The following STX12 variants were observed in gnomAD, a reference collection of about 807,000 sequenced individuals.
The protein encoded by STX12 is syntaxin-12.
A neutral mutation model predicts 42.2 loss-of-function variants in STX12; 17 were observed. That is an observed-to-expected ratio of 0.40 (90% CI 0.28 to 0.60). The LOEUF is 0.60. STX12 is among the 20% of genes least tolerant of loss of function. The probability of loss-of-function intolerance (pLI) is 0.39; values close to 1 mark genes in which losing one functional copy is unlikely to be tolerated. For missense variants in STX12, 297 were observed against 330.9 expected (o/e 0.90, Z 0.79); for synonymous variants, 108 against 116.7 (o/e 0.93, Z 0.48).
chr1:27,788,087 T>C (rs372397642), intron 1 of STX12, among the ~76,000 whole-genome samples: 2 of 152,320 alleles, frequency 1.3e-5, no homozygotes, highest in African/African-American at 2.4e-5. Flanking sequence ...CTTATACTTA[T>C]TGTGTTATGT....
intron 3 of STX12, among the ~76,000 whole-genome samples, chr1:27,798,243 G>C (rs1473593241): frequency 6.6e-6 from 1 of 152,026 alleles, no homozygotes; most frequent in African/African-American, 2.4e-5. Flanking sequence ...AGCGATTAAA[G>C]ATCATGGCCG....
At chr1:27,795,702 T>C (rs1380476771) in intron 3 of STX12, among the ~76,000 whole-genome samples, 1 of 152,236 alleles carries the variant, frequency 6.6e-6, no homozygotes, top group East Asian at 1.9e-4. Flanking sequence ...ATCTGGAGTT[T>C]TGGCCCCCAC....
chr1:27,777,139 CAAGT>C (rs1468964459), intron 1 of STX12, among the ~76,000 whole-genome samples: 2 of 151,716 alleles, frequency 1.3e-5, no homozygotes, highest in Non-Finnish European at 2.9e-5. Context: ...TAAATAATGT[CAAGT>C]AATAATAAAT....
rs2088893757 is a variant in STX12, at chr1:27,810,233, A to G, written c.427-13A>G. 1.2e-6 allele frequency: 2 copies of G among 1,613,362 alleles called. No individual in the cohort carries two copies. The highest frequency in any genetic ancestry group is 1.7e-6 in the Non-Finnish European group (2 of 1,179,582). Reference sequence around the variant, plus strand: ...TCTGGATGACAGCAGCAATAATACCATCTACTTTCTAGGCAGAAGAGAGGC... The same window carrying G: ...TCTGGATGACAGCAGCAATAATACCGTCTACTTTCTAGGCAGAAGAGAGGC... On this transcript the variant is annotated splice_polypyrimidine_tract_variant and intron_variant, in intron 4 of 8. Coordinates refer to ENST00000373943, the MANE Select transcript of STX12 (RefSeq NM_177424.3).
At chr1:27,789,276 T>G (rs1297270940) in intron 1 of STX12, among the ~76,000 whole-genome samples, 1 of 152,216 alleles carries the variant, frequency 6.6e-6, no homozygotes, top group East Asian at 1.9e-4. Flanking sequence ...TGTTGAAATT[T>G]TTAACCATTG....
intron 4 of STX12, among the ~76,000 whole-genome samples, chr1:27,809,460 CTTT>C (rs561726749): frequency 3.1e-5 from 4 of 129,976 alleles, no homozygotes; most frequent in African/African-American, 6.2e-5. Flanking sequence ...CTCATATACT[CTTT>C]TTTTTTTTTT....
chr1:27,817,805 C>A (rs1557808395), intron 6 of STX12, 46 bp from the exon 7 acceptor site: 1 of 1,572,626 alleles, frequency 6.4e-7, no homozygotes, highest in Admixed American at 1.7e-5. Flanking sequence ...AACAAATCTT[C>A]TAACATGTTG....
intron 1 of STX12, among the ~76,000 whole-genome samples, chr1:27,778,947 C>T (rs892190083): frequency 7.2e-5 from 11 of 152,176 alleles, no homozygotes; most frequent in Admixed American, 2.6e-4. Context: ...TTTTTAGAGA[C>T]GGGGGTCTCG....
chr1:27,812,078 G>A (rs2088906724), intron 5 of STX12, 85 bp from the exon 6 acceptor site: 2 of 1,129,894 alleles, frequency 1.8e-6, no homozygotes, highest in Non-Finnish European at 2.6e-6. Flanking sequence ...CTTTGCATAG[G>A]TTCTGCTGGC....
In STX12 at chr1:27,802,842, A is replaced by G. The variant is rs560800974; in HGVS notation, c.426+1027A>G. Among the ~76,000 whole-genome samples, 8 of 152,370 alleles carry G rather than the reference A, an allele frequency of 5.3e-5. No individual in the cohort carries two copies. The East Asian group carries it at 1.5e-3, about 29-fold the overall frequency. On this transcript the variant is annotated intron_variant, in intron 4 of 8. Coordinates refer to ENST00000373943, the MANE Select transcript of STX12 (RefSeq NM_177424.3). ...TACAAAGACTTTTTATATTAGAATT[A>G]TAAGACAACTATACTTATTGTGTTT...
intron 3 of STX12, among the ~76,000 whole-genome samples, chr1:27,795,472 AT>A (rs1319721439): frequency 6.6e-6 from 1 of 151,916 alleles, no homozygotes; most frequent in African/African-American, 2.4e-5. Context: ...CGCTCGGCTA[AT>A]TTTTGTATTT....
At position 27,822,455 on chromosome 1, in the gene STX12, C is replaced by A; in HGVS notation, c.*126C>A. On this transcript the variant is annotated 3_prime_UTR_variant, in exon 9 of 9. Coordinates refer to ENST00000373943, the MANE Select transcript of STX12 (RefSeq NM_177424.3). ...CGTCCTGTAATCATTTAGTTAGAAA[C>A]TAACTACTAACTAGTCTTTGGAATT... The A allele has an allele frequency of 1.6e-6, 1 of 632,088 alleles. No individual in the cohort carries two copies. Among genetic ancestry groups the A allele is most frequent in the Non-Finnish European group, 2.9e-6 (1 of 347,336 alleles). 39.2% of individuals were successfully genotyped at this position (632,088 alleles called of 1,614,324 possible).
At chr1:27,795,260 T>TCATA (rs1481837631) in intron 3 of STX12, among the ~76,000 whole-genome samples, 1 of 152,048 alleles carries the variant, frequency 6.6e-6, no homozygotes, top group Non-Finnish European at 1.5e-5. Context: ...AACTGTTGTT[T>TCATA]CATACATACA....
At chr1:27,813,441 G>T (rs1211241076) in intron 6 of STX12, among the ~76,000 whole-genome samples, 1 of 152,184 alleles carries the variant, frequency 6.6e-6, no homozygotes, top group Admixed American at 6.5e-5. Flanking sequence ...CTCCCAAAGT[G>T]CTGGGATTAC....
chr1:27,810,256 G>A lies in STX12; in HGVS notation c.437G>A (p.Arg146Lys). 1 of 1,613,632 alleles carries A rather than the reference G, an allele frequency of 6.2e-7. No homozygotes were observed. Among genetic ancestry groups the A allele is most frequent in the Non-Finnish European group, 8.5e-7 (1 of 1,179,718 alleles). The change falls in exon 5 of 9, where the codon AGG (arginine) becomes AAG (lysine). Residue 146 changes from arginine to lysine, a missense_variant. By Grantham distance (26) the Arg-to-Lys change is conservative (BLOSUM62 2). Transcript: ENST00000373943. ...CCATCTACTTTCTAGGCAGAAGAGA[G>A]GCAAAGAGAGGAGCAGCTGGTCTCA... ...RAGSRLSAEE[R>K]QREEQLVSFD...
chr1:27,805,209 T>G (rs183801205), intron 4 of STX12, among the ~76,000 whole-genome samples: 131 of 152,328 alleles, frequency 8.6e-4, no homozygotes, highest in African/African-American at 2.9e-3. Context: ...GTTTTGTTTA[T>G]ATGAGTCATA....
At chr1:27,795,551 C>T (rs770308712) in intron 3 of STX12, among the ~76,000 whole-genome samples, 2 of 151,960 alleles carry the variant, frequency 1.3e-5, no homozygotes, top group Non-Finnish European at 2.9e-5. Flanking sequence ...GGTGATCTGC[C>T]CAGCTAGACC....
intron 1 of STX12, among the ~76,000 whole-genome samples, chr1:27,780,923 C>T (rs1193223076): frequency 6.6e-6 from 1 of 151,642 alleles, no homozygotes; most frequent in Non-Finnish European, 1.5e-5. Context: ...CACGTCACTG[C>T]ACTCCAGTCT....
chr1:27,812,814 A>G (rs181661785), intron 6 of STX12, among the ~76,000 whole-genome samples: 2 of 152,292 alleles, frequency 1.3e-5, no homozygotes, highest in Admixed American at 6.5e-5. Flanking sequence ...ACCACATCTT[A>G]TACGGATCAC....
Sources: allele counts gnomAD v4.1 joint callset (sites outside exome capture counted in the v4.1 genomes callset), GRCh38; gene constraint gnomAD v4.1.1; transcripts MANE v1.5; gene names NCBI Gene and HGNC (gene_info 2026-07-23, HGNC 2026-07-21).